Variants in XYLT1 observed in about 807,000 individuals in gnomAD.
XYLT1 encodes the protein beta-D-xylosyltransferase 1.
A neutral mutation model predicts 91.3 loss-of-function variants in XYLT1; 36 were observed. That is an observed-to-expected ratio of 0.39 (90% CI 0.30 to 0.52). The LOEUF is 0.52. Ranked by LOEUF, XYLT1 falls within the 20% of genes least tolerant of loss-of-function variation. The pLI, the probability that XYLT1 is intolerant of heterozygous loss-of-function variation, is 0.68. For synonymous variants in XYLT1, 588 were observed against 532.0 expected (o/e 1.11, Z -1.45); for missense variants, 1,242 against 1,284.5 (o/e 0.97, Z 0.51).
intron 2 of XYLT1, among the ~76,000 whole-genome samples, chr16:17,292,872 C>T (rs778677979): frequency 4.6e-5 from 7 of 152,140 alleles, no homozygotes; most frequent in African/African-American, 1.4e-4. Context: ...AGGGATGAGA[C>T]GTTCATCCAC....
At chr16:17,259,545 C>A in intron 2 of XYLT1, 47 bp from the exon 3 acceptor site, 1 of 1,581,256 alleles carries the variant, frequency 6.3e-7, no homozygotes, top group South Asian at 1.1e-5. Context: ...ACTGAGAGAT[C>A]ATGCTAAGCA....
At chr16:17,190,444 C>T (rs180929819) in intron 5 of XYLT1, among the ~76,000 whole-genome samples, 1 of 123,150 alleles carries the variant, frequency 8.1e-6, no homozygotes, top group Non-Finnish European at 1.7e-5. Flanking sequence ...TCCCTCCCCC[C>T]TCCCCCCACC....
At chr16:17,393,900 C>T (rs886868051) in intron 1 of XYLT1, among the ~76,000 whole-genome samples, 81 of 152,010 alleles carry the variant, frequency 5.3e-4, no homozygotes, top group African/African-American at 1.5e-3. Context: ...CTCAGCCTCC[C>T]GAGTAGCTCG....
At chr16:17,398,693 C>T (rs1406531200) in intron 1 of XYLT1, among the ~76,000 whole-genome samples, 1 of 152,066 alleles carries the variant, frequency 6.6e-6, no homozygotes, top group Non-Finnish European at 1.5e-5. Flanking sequence ...ATGCCCCTCT[C>T]CTGGCTTCTG....
At chr16:17,308,522 T>C (rs930385812) in intron 2 of XYLT1, among the ~76,000 whole-genome samples, 3 of 152,214 alleles carry the variant, frequency 2.0e-5, no homozygotes, top group African/African-American at 7.2e-5. Context: ...GAACGGTCAC[T>C]TCTCTCTTCC....
At chr16:17,370,276 A>G (rs1367383052) in intron 1 of XYLT1, among the ~76,000 whole-genome samples, 1 of 152,188 alleles carries the variant, frequency 6.6e-6, no homozygotes, top group African/African-American at 2.4e-5. Context: ...TTGATAATCA[A>G]CACGCAGGAG....
intron 2 of XYLT1, among the ~76,000 whole-genome samples, chr16:17,347,802 G>A (rs750964438): frequency 1.6e-4 from 24 of 152,222 alleles, no homozygotes; most frequent in Non-Finnish European, 3.4e-4. Context: ...ACTGTACAAA[G>A]AGATTCTTTA....
At chr16:17,390,674 T>TA (rs2035805810) in intron 1 of XYLT1, among the ~76,000 whole-genome samples, 2 of 152,224 alleles carry the variant, frequency 1.3e-5, no homozygotes, top group Non-Finnish European at 2.9e-5. Context: ...CTTTAAAAGA[T>TA]AACAGTCCTT....
At chr16:17,241,490 G>A (rs965794237) in intron 3 of XYLT1, among the ~76,000 whole-genome samples, 5 of 152,236 alleles carry the variant, frequency 3.3e-5, no homozygotes, top group Non-Finnish European at 5.9e-5. Flanking sequence ...CCTTGCCAGG[G>A]CCCTCCTTCT....
intron 1 of XYLT1, among the ~76,000 whole-genome samples, chr16:17,380,170 C>T (rs2035661325): frequency 6.6e-6 from 1 of 152,182 alleles, no homozygotes; most frequent in Non-Finnish European, 1.5e-5. Context: ...CACCTGTAAT[C>T]CCAGCTATTC....
chr16:17,142,431 A>AAT (rs1555482184), intron 6 of XYLT1, among the ~76,000 whole-genome samples: 3 of 122,744 alleles, frequency 2.4e-5, no homozygotes, highest in Non-Finnish European at 4.9e-5. Flanking sequence ...AAATCCTGTA[A>AAT]TTTTTTTTTT....
chr16:17,178,527 G>T (rs765101833), intron 5 of XYLT1, among the ~76,000 whole-genome samples: 19 of 152,180 alleles, frequency 1.2e-4, no homozygotes, highest in Non-Finnish European at 2.1e-4. Flanking sequence ...CACTAAATTT[G>T]AAAGGGCTGA....
chr16:17,320,670 C>T (rs542039226), intron 2 of XYLT1, among the ~76,000 whole-genome samples: 100 of 151,348 alleles, frequency 6.6e-4, no homozygotes, highest in African/African-American at 2.4e-3. Context: ...TTAGTATAGA[C>T]GCGGTTTCAC....
At position 17,259,394 on chromosome 16, in the gene XYLT1, T is replaced by G; in HGVS notation, c.507A>C (p.Ala169=). The G allele has an allele frequency of 6.2e-7, 1 of 1,614,196 alleles. No individual in the cohort carries two copies. The highest frequency in any genetic ancestry group is 1.1e-5 in the South Asian group (1 of 91,090). ...GGTGCTTCTGCTTTTGAGTCCTGGG[T>G]GCGAAGTTGCTGTTGTCGACATTCT... ...DFENVDNSNF[A]PRTQKQKHQP... The change falls in exon 3 of 12, where the codon GCA becomes GCC. Residue 169 remains alanine (A), a synonymous_variant. Coordinates refer to ENST00000261381, the MANE Select transcript of XYLT1 (RefSeq NM_022166.4).
intron 1 of XYLT1, among the ~76,000 whole-genome samples, chr16:17,431,401 G>A (rs778322188): frequency 4.6e-5 from 7 of 152,090 alleles, no homozygotes; most frequent in Non-Finnish European, 7.4e-5. Flanking sequence ...CTGAGGCTGC[G>A]TGTCCAAGGA....
At chr16:17,127,979 G>T in intron 9 of XYLT1, 118 bp from the exon 10 acceptor site, 1 of 859,160 alleles carries the variant, frequency 1.2e-6, no homozygotes, top group Non-Finnish European at 1.8e-6. Flanking sequence ...AATGCCTACT[G>T]TTTTCCTTGC....
intron 1 of XYLT1, among the ~76,000 whole-genome samples, chr16:17,387,814 GC>G (rs766377602): frequency 6.6e-5 from 10 of 152,188 alleles, no homozygotes; most frequent in Non-Finnish European, 2.9e-5. Context: ...ACATTGGCAT[GC>G]CTATTTCTGC....
intron 1 of XYLT1, among the ~76,000 whole-genome samples, chr16:17,442,511 C>T (rs1156304022): frequency 6.6e-6 from 1 of 152,114 alleles, no homozygotes; most frequent in Non-Finnish European, 1.5e-5. Context: ...GAGATTAACA[C>T]CACATATTGC....
intron 2 of XYLT1, among the ~76,000 whole-genome samples, chr16:17,295,652 G>A (rs146688471): frequency 3.9e-5 from 6 of 152,274 alleles, no homozygotes; most frequent in Admixed American, 2.6e-4. Context: ...CACCACACCC[G>A]ACCCAAGAGC....
Sources: gnomAD v4.1 joint callset for allele counts (sites outside exome capture counted in the v4.1 genomes callset) on GRCh38, gnomAD v4.1.1 for gene constraint, MANE v1.5 for transcripts, NCBI Gene and HGNC (gene_info 2026-07-23, HGNC 2026-07-21) for gene names.